PCDHGA12: variants seen among roughly 807,000 people sequenced by gnomAD.
The protein encoded by PCDHGA12 is protocadherin gamma-A12.
A neutral mutation model predicts 61.1 loss-of-function variants in PCDHGA12; 43 were observed. That is an observed-to-expected ratio of 0.70 (90% CI 0.55 to 0.91). PCDHGA12 has a LOEUF of 0.91. Among genes scored for constraint, PCDHGA12 ranks in the 40% least tolerant of loss-of-function variants. PCDHGA12 has a pLI of 0.00. For synonymous variants in PCDHGA12, 520 were observed against 542.9 expected (o/e 0.96, Z 0.59); for missense variants, 1,236 against 1,227.7 (o/e 1.01, Z -0.10).
At position 141,487,270 on chromosome 5, in the gene PCDHGA12, A is replaced by T. The variant is rs777469322; in HGVS notation, c.2425-7537A>T. 6.2e-7 allele frequency: 1 copy of T among 1,614,046 alleles called. No homozygotes were observed. Among genetic ancestry groups the T allele is most frequent in the South Asian group, 1.1e-5 (1 of 91,076 alleles). On this transcript the variant is annotated intron_variant, in intron 1 of 3. Transcript: ENST00000252085. The surrounding 1 kb of genome is among the most constrained non-coding windows in gnomAD (Gnocchi z 5.0). ...TCTACTTGGCTGTGTCCCTAGTGGC[A>T]ATTTGCTTTGTCTCCTTTGGCTCAT... is the stretch of plus-strand genomic sequence containing the variant.
chr5:141,476,039 C>T lies in PCDHGA12; in HGVS notation c.2425-18768C>T. The T allele has an allele frequency of 1.3e-6, 2 of 1,484,358 alleles. No homozygotes were observed. The highest frequency in any genetic ancestry group is 1.8e-6 in the Non-Finnish European group (2 of 1,117,328). The allele number at this position is 1,484,358 out of a possible 1,614,324, so 91.9% of individuals were successfully genotyped here. On this transcript the variant is annotated intron_variant, in intron 1 of 3. Coordinates refer to ENST00000252085, the MANE Select transcript of PCDHGA12 (RefSeq NM_003735.3). The surrounding 1 kb of genome is among the most constrained non-coding windows in gnomAD (Gnocchi z 7.6). Reference sequence around the variant, plus strand: ...TCGGACTCGGCGCCCAGCGCCCAAGCGCTAACCCGCTGAAAGTTTCTCAGC... The same window carrying T: ...TCGGACTCGGCGCCCAGCGCCCAAGTGCTAACCCGCTGAAAGTTTCTCAGC...
At chr5:141,462,823 G>A (rs1420321501) in intron 1 of PCDHGA12, among the ~76,000 whole-genome samples, 1 of 152,170 alleles carries the variant, frequency 6.6e-6, no homozygotes, top group African/African-American at 2.4e-5. Flanking sequence ...TTGGACAGCA[G>A]ACATTGTAAA....
rs2099385215 is a variant in PCDHGA12 at position 141,476,099 on chromosome 5, G to A, written c.2425-18708G>A. On this transcript the variant is annotated intron_variant, in intron 1 of 3. Coordinates refer to ENST00000252085, the MANE Select transcript of PCDHGA12 (RefSeq NM_003735.3). This position sits in a 1 kb window ranked among gnomAD's most constrained non-coding sequence, Gnocchi z 7.6. ...GGGACGATCTGGACCCCGCTGAGAGGAACTGCTTTTGAGTGAGATGGTCCC... is the reference window on the plus strand; with the variant it reads ...GGGACGATCTGGACCCCGCTGAGAGAAACTGCTTTTGAGTGAGATGGTCCC... 1 of 1,574,916 alleles carries A rather than the reference G, an allele frequency of 6.3e-7. No individual in the cohort carries two copies.
intron 1 of PCDHGA12, chr5:141,475,839 CAG>C: frequency 2.3e-6 from 1 of 433,254 alleles, no homozygotes; most frequent in Non-Finnish European, 4.1e-6. Flanking sequence ...GTGTCCTGCT[CAG>C]AGAGCCCGGC....
In PCDHGA12 at chr5:141,431,159, C is replaced by A. The variant is rs1017606383; in HGVS notation, c.400C>A (p.Arg134Ser). Residue 134 changes from arginine to serine, a missense_variant, in exon 1 of 4, where the codon CGT becomes AGT. Coordinates refer to ENST00000252085, the MANE Select transcript of PCDHGA12 (RefSeq NM_003735.3). The surrounding 1 kb of genome is among the most constrained non-coding windows in gnomAD (Gnocchi z 4.8). The stretch of plus-strand genomic sequence containing the variant: ...CATTAACGACAATGCGCCTTACTTT[C>A]GTGAAAGTGAATTAGAAATAAAAAT... ...RDINDNAPYF[R>S]ESELEIKISE... The A allele has an allele frequency of 6.2e-7, 1 of 1,614,158 alleles. No homozygotes were observed. The highest frequency in any genetic ancestry group is 1.3e-5 in the African/African-American group (1 of 75,046).
intron 1 of PCDHGA12, among the ~76,000 whole-genome samples, chr5:141,473,719 T>C (rs998018115): frequency 6.6e-6 from 1 of 152,124 alleles, no homozygotes; most frequent in African/African-American, 2.4e-5. Context: ...CAATGGAATA[T>C]AGTGAGAGAG....
Position 141,512,040 on chromosome 5 carries a change from A to G in PCDHGA12, c.*867A>G, listed in dbSNP as rs775766584. 1.3e-5 allele frequency: 2 copies of G among 152,838 alleles called. No homozygotes were observed. The highest frequency in any genetic ancestry group is 2.9e-5 in the Non-Finnish European group (2 of 68,198). 9.5% of individuals were successfully genotyped at this position (152,838 alleles called of 1,614,324 possible). A position where few individuals can be genotyped will look rare whatever the true frequency, so the allele number is the denominator to read the frequency against. ...ATCAAGGCCTTGGAGGAGGCTCTGT[A>G]TGTCCTCAGGGGACTGACAACATCC... On this transcript the variant is annotated 3_prime_UTR_variant, in exon 4 of 4. Coordinates refer to ENST00000252085, the MANE Select transcript of PCDHGA12 (RefSeq NM_003735.3).
chr5:141,509,872 G>T (rs968745661), intron 3 of PCDHGA12, among the ~76,000 whole-genome samples: 16 of 152,166 alleles, frequency 1.1e-4, no homozygotes, highest in Non-Finnish European at 1.5e-5. Context: ...CCAAGCTGCT[G>T]GTGGTGATGG....
chr5:141,453,560 G>A (rs1230229107), intron 1 of PCDHGA12, among the ~76,000 whole-genome samples: 3 of 151,968 alleles, frequency 2.0e-5, no homozygotes, highest in Admixed American at 6.6e-5. Flanking sequence ...GTAGATAATC[G>A]ATTTCATTAG....
chr5:141,483,786 C>T (rs2099587125), intron 1 of PCDHGA12, among the ~76,000 whole-genome samples: 1 of 152,136 alleles, frequency 6.6e-6, no homozygotes, highest in African/African-American at 2.4e-5. Context: ...AGGATAAGAA[C>T]TCCAGTTGTT....
intron 1 of PCDHGA12, among the ~76,000 whole-genome samples, chr5:141,482,188 G>C (rs1178289472): frequency 2.6e-5 from 4 of 152,122 alleles, no homozygotes; most frequent in African/African-American, 9.7e-5. Context: ...CGATGCTCCA[G>C]TTCTAGTAAA....
At chr5:141,434,830 C>A (rs7703679) in intron 1 of PCDHGA12, among the ~76,000 whole-genome samples, 45,467 of 151,546 alleles carry the variant, frequency 0.3, 8,050 homozygotes, top group African/African-American at 0.5. Flanking sequence ...GTACACTTGG[C>A]ATTTATAAAG....
chr5:141,450,479 G>GTTTT (rs1165567597), intron 1 of PCDHGA12, among the ~76,000 whole-genome samples: 124 of 152,020 alleles, frequency 8.2e-4, no homozygotes, highest in African/African-American at 2.9e-3. Flanking sequence ...GAGTTTGTTT[G>GTTTT]TTTGTTTGTC....
At chr5:141,441,663 G>A (rs777315226) in intron 1 of PCDHGA12, 20 of 260,482 alleles carry the variant, frequency 7.7e-5, no homozygotes, top group Non-Finnish European at 1.2e-4. Context: ...GTCCTTGAGC[G>A]CACAGTGCGC....
chr5:141,477,642 A>G lies in PCDHGA12; in HGVS notation c.2425-17165A>G, dbSNP rs767152121. On this transcript the variant is annotated intron_variant, in intron 1 of 3. Transcript: ENST00000252085. The surrounding 1 kb of genome is among the most constrained non-coding windows in gnomAD (Gnocchi z 4.9). ...GCTGAAACCGGGCTAGTGGGTCGCT[A>G]TTTCACAATAAATCGTGACAATGGC... 9 of 1,614,136 alleles carry G rather than the reference A, an allele frequency of 5.6e-6. No individual in the cohort carries two copies. Among genetic ancestry groups the G allele is most frequent in the Non-Finnish European group, 7.6e-6 (9 of 1,180,022 alleles).
At chr5:141,440,551 T>C (rs1220901075) in intron 1 of PCDHGA12, 2 of 152,350 alleles carry the variant, frequency 1.3e-5, no homozygotes, top group East Asian at 1.9e-4. Context: ...GCAGGAATGT[T>C]ATTAAGTTAC....
In PCDHGA12 at chr5:141,477,279, C is replaced by T. The variant is rs2099408674; in HGVS notation, c.2425-17528C>T. ...GATGCTGGCGAGAACGGGCTGGTGA[C>T]CTGCGAAGTTCCACCGGGTCTCCCT... is the stretch of plus-strand genomic sequence containing the variant. On this transcript the variant is annotated intron_variant, in intron 1 of 3. Transcript: ENST00000252085. The surrounding 1 kb of genome is among the most constrained non-coding windows in gnomAD (Gnocchi z 4.9). 6.2e-7 allele frequency: 1 copy of T among 1,614,054 alleles called. No individual in the cohort carries two copies. Among genetic ancestry groups the T allele is most frequent in the Non-Finnish European group, 8.5e-7 (1 of 1,180,050 alleles).
chr5:141,495,080 G>A (rs73794925), intron 2 of PCDHGA12, among the ~76,000 whole-genome samples: 1 of 152,258 alleles, frequency 6.6e-6, no homozygotes, highest in African/African-American at 2.4e-5. Flanking sequence ...TCACATGCTT[G>A]CCCCTTCCCT....
At position 141,476,669 on chromosome 5, in the gene PCDHGA12, C is replaced by G; in HGVS notation, c.2425-18138C>G. ...AAATGAATACTTTGCGCTTCGCGTGCAGACGCGGGAGGACAGCACCAAGTA... is the reference window on the plus strand; with the variant it reads ...AAATGAATACTTTGCGCTTCGCGTGGAGACGCGGGAGGACAGCACCAAGTA... On this transcript the variant is annotated intron_variant, in intron 1 of 3. Coordinates refer to ENST00000252085, the MANE Select transcript of PCDHGA12 (RefSeq NM_003735.3). This position sits in a 1 kb window ranked among gnomAD's most constrained non-coding sequence, Gnocchi z 7.6. 6.2e-7 allele frequency: 1 copy of G among 1,614,246 alleles called. No individual in the cohort carries two copies. The highest frequency in any genetic ancestry group is 1.1e-5 in the South Asian group (1 of 91,086).
Sources: gnomAD v4.1 joint callset for allele counts (sites outside exome capture counted in the v4.1 genomes callset) on GRCh38, gnomAD v4.1.1 for gene constraint, Gnocchi (gnomAD v3.1) non-coding constraint, MANE v1.5 for transcripts, NCBI Gene and HGNC (gene_info 2026-07-23, HGNC 2026-07-21) for gene names.